Variants in C1GALT1C1 observed in about 807,000 individuals in gnomAD.
The protein encoded by C1GALT1C1 is C1GALT1-specific chaperone 1.
For synonymous variants in C1GALT1C1, 77 were observed against 77.9 expected, an observed-to-expected ratio of 0.99 and a Z score of 0.06; for missense variants, 176 against 234.7, an observed-to-expected ratio of 0.75 and a Z score of 1.63.
At chrX:120,628,613 C>A (rs902743383) in intron 1 of C1GALT1C1, among the ~76,000 whole-genome samples, 1 of 112,123 alleles carries the variant, frequency 8.9e-6, no homozygotes, top group South Asian at 3.6e-4. Context: ...GCTTCTACCA[C>A]ATTAGAGTTT....
Position 120,626,153 on chromosome X carries a change from AAAT to A in C1GALT1C1, c.*54_*56del, listed in dbSNP as rs1441279345. ...GTATTGGATATGTAGTTACTACTAC[AAAT>A]AATGACAACACACGTCCTATACAAA... is the stretch of plus-strand genomic sequence containing the variant. On this transcript the variant is annotated 3_prime_UTR_variant, in exon 2 of 2. Coordinates refer to ENST00000304661, the MANE Select transcript of C1GALT1C1 (RefSeq NM_001011551.3). 10 of 1,039,275 alleles carry A rather than the reference AAAT, an allele frequency of 9.6e-6. No homozygotes were observed. Among genetic ancestry groups the A allele is most frequent in the South Asian group, 4.4e-5 (2 of 45,737 alleles). 85.6% of individuals were successfully genotyped at this position (1,039,275 alleles called of 1,213,427 possible).
chrX:120,628,359 C>T (rs1199272192), intron 1 of C1GALT1C1, among the ~76,000 whole-genome samples: 1 of 112,587 alleles, frequency 8.9e-6, no homozygotes, highest in East Asian at 2.8e-4. Flanking sequence ...CCTCCATCTT[C>T]AGAAAAAAGC....
At position 120,626,302 on chromosome X, in the gene C1GALT1C1, T is replaced by C. The variant is rs1322633926; in HGVS notation, c.865A>G (p.Met289Val). The stretch of plus-strand genomic sequence containing the variant: ...CTAAGGCGGTATACCCCATACATCA[T>C]CACATGCATCTGATTTGGAGTCAGT... ...NGLTPNQMHV[M>V]MYGVYRLRAF... The change falls in exon 2 of 2, where the codon ATG (methionine) becomes GTG (valine). Residue 289 changes from methionine to valine, a missense_variant. Physicochemically the swap from Met to Val is conservative, Grantham distance 21 (BLOSUM62 1). Coordinates refer to ENST00000304661, the MANE Select transcript of C1GALT1C1 (RefSeq NM_001011551.3). 1 of 1,211,332 alleles carries C rather than the reference T, an allele frequency of 8.3e-7. No homozygotes were observed. The highest frequency in any genetic ancestry group is 1.1e-6 in the Non-Finnish European group (1 of 895,482).
Position 120,626,015 on chromosome X carries a change from A to G in C1GALT1C1, c.*195T>C, listed in dbSNP as rs958701111. The G allele has an allele frequency of 3.0e-5, 10 of 330,728 alleles. No individual in the cohort carries two copies. Among genetic ancestry groups the G allele is most frequent in the Non-Finnish European group, 5.3e-5 (10 of 187,777 alleles). The allele number at this position is 330,728 out of a possible 1,213,427, so 27.3% of individuals were successfully genotyped here. ...AACACTTCTTTCCAACACATTTACAATGTTCATGTGTTTTAAAGAAAAAAA... is the reference window on the plus strand; with the variant it reads ...AACACTTCTTTCCAACACATTTACAGTGTTCATGTGTTTTAAAGAAAAAAA... On this transcript the variant is annotated 3_prime_UTR_variant, in exon 2 of 2. Transcript: ENST00000304661.
At chrX:120,627,741 G>C (rs1411745668) in intron 1 of C1GALT1C1, among the ~76,000 whole-genome samples, 2 of 111,620 alleles carry the variant, frequency 1.8e-5, no homozygotes, top group Non-Finnish European at 3.8e-5. Context: ...TTACCCTTTT[G>C]TTCCTAAAAC....
At chrX:120,628,827 G>A (rs919886536) in intron 1 of C1GALT1C1, among the ~76,000 whole-genome samples, 1 of 111,761 alleles carries the variant, frequency 8.9e-6, no homozygotes, top group Non-Finnish European at 1.9e-5. Context: ...ATTTCTGAGC[G>A]GTGGGTGGGG....
rs1340456731 is a variant in C1GALT1C1, at chrX:120,626,820, T to C, written c.347A>G (p.Asn116Ser). Reference sequence around the variant, plus strand: ...TTTTCTCATCATTAACCACATGTCATTTGTGTCCATATTAATTGACTCAAA... The same window carrying C: ...TTTTCTCATCATTAACCACATGTCACTTGTGTCCATATTAATTGACTCAAA... ...KVFESINMDT[N>S]DMWLMMRKAY... The change falls in exon 2 of 2, where the codon AAT (asparagine) becomes AGT (serine). Residue 116 changes from asparagine (N) to serine (S), a missense_variant. By Grantham distance (46) the Asn-to-Ser change is conservative (BLOSUM62 1). Coordinates refer to ENST00000304661, the MANE Select transcript of C1GALT1C1 (RefSeq NM_001011551.3). 8.3e-7 allele frequency: 1 copy of C among 1,210,493 alleles called. No homozygotes were observed. The highest frequency in any genetic ancestry group is 2.2e-5 in the Admixed American group (1 of 45,837).
chrX:120,628,693 T>G (rs1238122565), intron 1 of C1GALT1C1, among the ~76,000 whole-genome samples: 1 of 111,895 alleles, frequency 8.9e-6, no homozygotes, highest in Non-Finnish European at 1.9e-5. Flanking sequence ...TGACCATAAC[T>G]GATATTTTGC....
Position 120,626,739 on chromosome X carries a change from G to A in C1GALT1C1, c.428C>T (p.Ala143Val), listed in dbSNP as rs45557031. Residue 143 changes from alanine (A) to valine (V), a missense_variant, in exon 2 of 2, where the codon GCA becomes GTA. Ala to Val is a moderately conservative substitution (Grantham distance 64, BLOSUM62 0). Transcript: ENST00000304661. ...AATGATAGCAAACGTAGTGGGGCGTGCAAGGAAGAACCAGTTGTATTGGTC... is the reference window on the plus strand; with the variant it reads ...AATGATAGCAAACGTAGTGGGGCGTACAAGGAAGAACCAGTTGTATTGGTC... ...YRDQYNWFFL[A>V]RPTTFAIIEN... 28,953 of 1,209,784 alleles carry A rather than the reference G, an allele frequency of 0.024. 365 individuals are homozygous for A. The highest frequency in any genetic ancestry group is 0.025 in the Non-Finnish European group (22,536 of 895,087).
chrX:120,627,782 T>C (rs757039406), intron 1 of C1GALT1C1, among the ~76,000 whole-genome samples: 1 of 112,290 alleles, frequency 8.9e-6, no homozygotes, highest in African/African-American at 3.2e-5. Context: ...ATCCCAACTA[T>C]TGATGTAATA....
Position 120,626,246 on chromosome X carries a change from C to A in C1GALT1C1, c.921G>T (p.Leu307Phe), listed in dbSNP as rs371041040. 1 of 1,210,731 alleles carries A rather than the reference C, an allele frequency of 8.3e-7. No individual in the cohort carries two copies. The change falls in exon 2 of 2, where the codon TTG (leucine) becomes TTT (phenylalanine). Residue 307 changes from leucine to phenylalanine, a missense_variant. Leu to Phe is a conservative substitution (Grantham distance 22, BLOSUM62 0). Coordinates refer to ENST00000304661, the MANE Select transcript of C1GALT1C1 (RefSeq NM_001011551.3). ...CAGAACCATTTGGAGGTAAGAAAAC[C>A]AATGCATCATTGAAAATATGCCCAA... is the stretch of plus-strand genomic sequence containing the variant. ...RAFGHIFNDA[L>F]VFLPPNGSDN...
At chrX:120,627,678 T>G (rs1378222434) in intron 1 of C1GALT1C1, among the ~76,000 whole-genome samples, 3 of 112,177 alleles carry the variant, frequency 2.7e-5, no homozygotes, top group Non-Finnish European at 3.8e-5. Context: ...CCTTAAGTGT[T>G]TTGAGTAAAT....
intron 1 of C1GALT1C1, 52 bp from the exon 2 acceptor site, chrX:120,627,223 A>G: frequency 1.1e-6 from 1 of 930,956 alleles, no homozygotes; most frequent in Non-Finnish European, 1.4e-6. Context: ...AGATTAGTCT[A>G]TAAATTTGAT....
rs1486278090 is a variant in C1GALT1C1 at position 120,626,417 on chromosome X, A to C, written c.750T>G (p.Ser250=). The change falls in exon 2 of 2, where the codon TCT becomes TCG. Residue 250 remains serine, a synonymous_variant. Coordinates refer to ENST00000304661, the MANE Select transcript of C1GALT1C1 (RefSeq NM_001011551.3). ...TTGCCTCTTTAATAGAAAGCCCAAC[A>C]GATTTGGTATTAAATACATCTTTTC... ...ADGKDVFNTK[S]VGLSIKEAMT... 8.3e-7 allele frequency: 1 copy of C among 1,212,103 alleles called. No homozygotes were observed. Among genetic ancestry groups the C allele is most frequent in the African/African-American group, 1.7e-5 (1 of 58,025 alleles).
At position 120,627,899 on chromosome X, in the gene C1GALT1C1, C is replaced by T. The variant is rs189980487; in HGVS notation, c.-5-728G>A. Among the ~76,000 whole-genome samples the T allele has an allele frequency of 3.1e-3, 344 of 112,181 alleles. 1 individual carries two copies. The highest frequency in any genetic ancestry group is 0.011 in the African/African-American group (334 of 30,928). ...TCATTTCCTCAAAAGGAATTTTCTT[C>T]TTCTTTGGGGAAGTAAAAATGGAAA... On this transcript the variant is annotated intron_variant, in intron 1 of 1. Transcript: ENST00000304661.
In C1GALT1C1 at chrX:120,627,118, T is replaced by C. The variant is rs751333183; in HGVS notation, c.49A>G (p.Ile17Val). 8.5e-7 allele frequency: 1 copy of C among 1,179,169 alleles called. No individual in the cohort carries two copies. The highest frequency in any genetic ancestry group is 2.0e-5 in the South Asian group (1 of 50,942). Residue 17 changes from isoleucine to valine, a missense_variant, in exon 2 of 2, where the codon ATT (isoleucine) becomes GTT (valine). By Grantham distance (29) the Ile-to-Val change is conservative. Coordinates refer to ENST00000304661, the MANE Select transcript of C1GALT1C1 (RefSeq NM_001011551.3). ...AGCATAGTGATCAAAGCACAGAAAA[T>C]GCTTCCAAGCATCACACCCTTCAAA... ...SFLKGVMLGS[I>V]FCALITMLGH...
chrX:120,626,129 T>C lies in C1GALT1C1; in HGVS notation c.*81A>G, dbSNP rs1236196715. On this transcript the variant is annotated 3_prime_UTR_variant, in exon 2 of 2. Coordinates refer to ENST00000304661, the MANE Select transcript of C1GALT1C1 (RefSeq NM_001011551.3). ...GAAAAGAAAAAGAAACATACAGCTG[T>C]ATTGGATATGTAGTTACTACTACAA... 2.3e-5 allele frequency: 20 copies of C among 870,646 alleles called. No homozygotes were observed. The highest frequency in any genetic ancestry group is 2.8e-5 in the Non-Finnish European group (17 of 616,481). 71.8% of individuals were successfully genotyped at this position (870,646 alleles called of 1,213,427 possible). A position where few individuals can be genotyped will look rare whatever the true frequency, so the allele number is the denominator to read the frequency against.
rs750571007 is a variant in C1GALT1C1 at position 120,626,750 on chromosome X, C to A, written c.417G>T (p.Trp139Cys). The A allele has an allele frequency of 4.1e-6, 5 of 1,209,494 alleles. No homozygotes were observed. Among genetic ancestry groups the A allele is most frequent in the Non-Finnish European group, 4.5e-6 (4 of 894,971 alleles). Residue 139 changes from tryptophan to cysteine, a missense_variant, in exon 2 of 2, where the codon TGG (tryptophan) becomes TGT (cysteine). By Grantham distance (215) the Trp-to-Cys change is radical (BLOSUM62 -2). Coordinates refer to ENST00000304661, the MANE Select transcript of C1GALT1C1 (RefSeq NM_001011551.3). Reference protein sequence around the residue: ...AFDKYRDQYNWFFLARPTTFA... With the variant: ...AFDKYRDQYNCFFLARPTTFA... ...ACGTAGTGGGGCGTGCAAGGAAGAA[C>A]CAGTTGTATTGGTCTCTATACTTAT...
At chrX:120,628,937 G>T (rs1476983392) in intron 1 of C1GALT1C1, among the ~76,000 whole-genome samples, 1 of 111,834 alleles carries the variant, frequency 8.9e-6, no homozygotes, top group Non-Finnish European at 1.9e-5. Flanking sequence ...CATAATATTA[G>T]AATTGTCGGC....
Sources: gnomAD v4.1 joint callset for allele counts (sites outside exome capture counted in the v4.1 genomes callset) on GRCh38, gnomAD v4.1.1 for gene constraint, MANE v1.5 for transcripts, NCBI Gene and HGNC (gene_info 2026-07-23, HGNC 2026-07-21) for gene names.